Variants in PPP1R18 observed in about 807,000 individuals in gnomAD.
PPP1R18 encodes the protein phostensin.
PPP1R18 carries 31 observed loss-of-function variants against 54.8 expected under a neutral mutation model. The observed-to-expected ratio is 0.57, with a 90% confidence interval of 0.43 to 0.76. The LOEUF is 0.76. Among genes scored for constraint, PPP1R18 ranks in the 30% least tolerant of loss-of-function variants. The pLI is 0.00. For missense variants in PPP1R18, 685 were observed against 776.1 expected (o/e 0.88, Z 1.39); for synonymous variants, 310 against 320.2 (o/e 0.97, Z 0.34).
rs762218826 is a variant in PPP1R18 at position 30,685,026 on chromosome 6, C to T, written c.993G>A (p.Gly331=). 11 of 1,613,076 alleles carry T rather than the reference C, an allele frequency of 6.8e-6. No homozygotes were observed. Among genetic ancestry groups the T allele is most frequent in the African/African-American group, 1.3e-5 (1 of 74,914 alleles). Residue 331 remains glycine (G), a synonymous_variant, in exon 1 of 3, where the codon GGG becomes GGA. Coordinates refer to ENST00000274853, the MANE Select transcript of PPP1R18 (RefSeq NM_133471.4). The surrounding 1 kb of genome is among the most constrained non-coding windows in gnomAD (Gnocchi z 5.0). ...TCCCGGAGTTCAGGGTCCATTTCCA[C>T]CCTTCTGTTGGCTTCATGCCCCTCT... ...DGERGMKPTE[G]WKWTLNSGKA... is the part of the protein sequence containing the mutation.
chr6:30,681,426 T>C (rs1770545413), intron 1 of PPP1R18, among the ~76,000 whole-genome samples: 1 of 152,046 alleles, frequency 6.6e-6, no homozygotes, highest in African/African-American at 2.4e-5. Flanking sequence ...ACCTTCTAAC[T>C]TACTAGATAA....
chr6:30,681,569 G>C (rs1376512587), intron 1 of PPP1R18, among the ~76,000 whole-genome samples: 1 of 152,020 alleles, frequency 6.6e-6, no homozygotes, highest in African/African-American at 2.4e-5. Flanking sequence ...TTCGAGACCA[G>C]CCTGGCTAAC....
At chr6:30,679,510 C>T in intron 1 of PPP1R18, 121 bp from the exon 2 acceptor site, 1 of 303,818 alleles carries the variant, frequency 3.3e-6, no homozygotes. Context: ...GTGGGACTGG[C>T]GGAACGTGGG....
At chr6:30,682,257 C>T (rs554482690) in intron 1 of PPP1R18, among the ~76,000 whole-genome samples, 2 of 152,082 alleles carry the variant, frequency 1.3e-5, no homozygotes, top group South Asian at 4.1e-4. Flanking sequence ...GTGACTCACT[C>T]GCTCCTCTCC....
At position 30,684,779 on chromosome 6, in the gene PPP1R18, T is replaced by TCAG; in HGVS notation, c.1237_1239dup (p.Leu413dup). The stretch of plus-strand genomic sequence containing the variant: ...TCCACTGCTTCCTCTTCCTGCTGTC[T>TCAG]CAGGCCTCCAGTCCCAGCGTCCTCT... On this transcript the variant is annotated inframe_insertion, in exon 1 of 3. Coordinates refer to ENST00000274853, the MANE Select transcript of PPP1R18 (RefSeq NM_133471.4). The surrounding 1 kb of genome is among the most constrained non-coding windows in gnomAD (Gnocchi z 6.0). The TCAG allele has an allele frequency of 6.2e-7, 1 of 1,601,928 alleles. No homozygotes were observed. Among genetic ancestry groups the TCAG allele is most frequent in the Non-Finnish European group, 8.5e-7 (1 of 1,173,656 alleles).
chr6:30,677,136 A>G lies in PPP1R18; in HGVS notation c.*133T>C. 1 of 870,610 alleles carries G rather than the reference A, an allele frequency of 1.1e-6. No individual in the cohort carries two copies. Among genetic ancestry groups the G allele is most frequent in the South Asian group, 1.3e-5 (1 of 74,504 alleles). 53.9% of individuals were successfully genotyped at this position (870,610 alleles called of 1,614,324 possible). ...CTCTGCCCCCAGAAACAGGGTGGGG[A>G]AAGCAAGTTACAAGATGTTGGTTGC... On this transcript the variant is annotated 3_prime_UTR_variant, in exon 3 of 3. Coordinates refer to ENST00000274853, the MANE Select transcript of PPP1R18 (RefSeq NM_133471.4).
Position 30,684,505 on chromosome 6 carries a change from C to T in PPP1R18, c.1514G>A (p.Arg505Gln), listed in dbSNP as rs769165522. 1.4e-5 allele frequency: 22 copies of T among 1,612,420 alleles called. No individual in the cohort carries two copies. Among genetic ancestry groups the T allele is most frequent in the South Asian group, 2.2e-5 (2 of 91,030 alleles). ...CAAGATCTCCTCGGCAGTTGGGTAC[C>T]GCTTCTTCCCAGCCCCCGGGACTGC... ...DAAVPGAGKK[R>Q]YPTAEEILVL... The change falls in exon 1 of 3, where the codon CGG (arginine) becomes CAG (glutamine). Residue 505 changes from arginine to glutamine, a missense_variant. Coordinates refer to ENST00000274853, the MANE Select transcript of PPP1R18 (RefSeq NM_133471.4). This position sits in a 1 kb window ranked among gnomAD's most constrained non-coding sequence, Gnocchi z 6.0.
chr6:30,679,226 A>T lies in PPP1R18; in HGVS notation c.1775T>A (p.Leu592Gln). The T allele has an allele frequency of 2.5e-6, 4 of 1,578,818 alleles. No individual in the cohort carries two copies. Among genetic ancestry groups the T allele is most frequent in the Non-Finnish European group, 2.6e-6 (3 of 1,163,908 alleles). ...DEEDEEELLL[L>Q]QPELQGGLRT... ...CAGCCCGCCCTGGAGCTCTGGCTGC[A>T]GCAGCAGCAGCTCTTCCTCATCCTC... Residue 592 changes from leucine to glutamine, a missense_variant, in exon 2 of 3, where the codon CTG (leucine) becomes CAG (glutamine). Leu to Gln is a moderately radical substitution (Grantham distance 113). Transcript: ENST00000274853.
chr6:30,683,338 A>G lies in PPP1R18; in HGVS notation c.1611+1070T>C, dbSNP rs367595584. Among the ~76,000 whole-genome samples the G allele has an allele frequency of 8.5e-5, 13 of 152,302 alleles. No individual in the cohort carries two copies. Among genetic ancestry groups the G allele is most frequent in the African/African-American group, 2.9e-4 (12 of 41,566 alleles). On this transcript the variant is annotated intron_variant, in intron 1 of 2. Transcript: ENST00000274853. The surrounding 1 kb of genome is among the most constrained non-coding windows in gnomAD (Gnocchi z 5.1). Reference sequence around the variant, plus strand: ...AAGCTGGAAACAGATGGATGTGCACAGGGAAGAAGTGAGGCCAGGGCCAGG... The same window carrying G: ...AAGCTGGAAACAGATGGATGTGCACGGGGAAGAAGTGAGGCCAGGGCCAGG...
Position 30,676,437 on chromosome 6 carries a change from A to G in PPP1R18, c.*832T>C, listed in dbSNP as rs1372933995. 6.6e-6 allele frequency: 1 copy of G among 152,182 alleles called. No homozygotes were observed. Among genetic ancestry groups the G allele is most frequent in the Non-Finnish European group, 1.5e-5 (1 of 68,032 alleles). 9.4% of individuals were successfully genotyped at this position (152,182 alleles called of 1,614,324 possible). A position where few individuals can be genotyped will look rare whatever the true frequency, so the allele number is the denominator to read the frequency against. ...TGGAAAGTTAAAAAACAAACAAAAC[A>G]AAACAGGCAATTGATAAAGGCGGCA... On this transcript the variant is annotated 3_prime_UTR_variant, in exon 3 of 3. Transcript: ENST00000274853.
intron 1 of PPP1R18, 117 bp from the exon 2 acceptor site, chr6:30,679,506 C>G: frequency 3.0e-6 from 1 of 335,918 alleles, no homozygotes; most frequent in Non-Finnish European, 5.1e-6. Flanking sequence ...GCAGGTGGGA[C>G]TGGCGGAACG....
Position 30,685,364 on chromosome 6 carries a change from C to A in PPP1R18, c.655G>T (p.Val219Leu). Residue 219 changes from valine (V) to leucine (L), a missense_variant, in exon 1 of 3, where the codon GTG becomes TTG. Transcript: ENST00000274853. The surrounding 1 kb of genome is among the most constrained non-coding windows in gnomAD (Gnocchi z 5.0). ...SREQSPRRKE[V>L]ESRLSPGESA... is the part of the protein sequence containing the mutation. ...TCCCCTGGGCTCAGTCTACTTTCCA[C>A]CTCTTTTCTCCTGGGGCTTTGCTCT... 1 of 1,613,060 alleles carries A rather than the reference C, an allele frequency of 6.2e-7. No homozygotes were observed. The highest frequency in any genetic ancestry group is 8.5e-7 in the Non-Finnish European group (1 of 1,180,034).
At chr6:30,680,986 G>A (rs1428764935) in intron 1 of PPP1R18, among the ~76,000 whole-genome samples, 6 of 151,620 alleles carry the variant, frequency 4.0e-5, no homozygotes, top group Admixed American at 1.3e-4. Flanking sequence ...TCGAGAGGAC[G>A]AGGCAGGAGA....
rs762778442 is a variant in PPP1R18, at chr6:30,685,720, T to C, written c.299A>G (p.Gln100Arg). The part of the protein sequence containing the change: ...FIRQERQQQQ[Q>R]QQQRSEELLA... ...CAGCTCTTCACTCCGTTGTTGTTGC[T>C]GCTGCTGCTGCTGCCGCTCCTGCCG... The change falls in exon 1 of 3, where the codon CAG becomes CGG. Residue 100 changes from glutamine to arginine, a missense_variant. Transcript: ENST00000274853. The surrounding 1 kb of genome is among the most constrained non-coding windows in gnomAD (Gnocchi z 5.0). The C allele has an allele frequency of 6.8e-6, 11 of 1,612,360 alleles. No individual in the cohort carries two copies. Among genetic ancestry groups the C allele is most frequent in the African/African-American group, 1.3e-5 (1 of 74,936 alleles).
chr6:30,687,283 G>T (rs1280497233), upstream of PPP1R18: 3 of 153,670 alleles, frequency 2.0e-5, no homozygotes, highest in Non-Finnish European at 2.9e-5. The surrounding 1 kb of genome is among the most constrained non-coding windows in gnomAD (Gnocchi z 7.9). Context: ...AGAGACCAGG[G>T]GGCCGGGCGG....
rs1416488117 is a variant in PPP1R18, at chr6:30,684,078, T to G, written c.1611+330A>C. Among the ~76,000 whole-genome samples, 1 of 151,778 alleles carries G rather than the reference T, an allele frequency of 6.6e-6. No individual in the cohort carries two copies. Among genetic ancestry groups the G allele is most frequent in the Non-Finnish European group, 1.5e-5 (1 of 67,960 alleles). On this transcript the variant is annotated intron_variant, in intron 1 of 2. Transcript: ENST00000274853. The surrounding 1 kb of genome is among the most constrained non-coding windows in gnomAD (Gnocchi z 6.0). The stretch of plus-strand genomic sequence containing the variant: ...CTTTAGGCTCTCCCACTGGATGGGC[T>G]GGGGCAGGTCACACTCAGGAAAGGA...
At chr6:30,680,204 A>G (rs1193086526) in intron 1 of PPP1R18, among the ~76,000 whole-genome samples, 1 of 152,176 alleles carries the variant, frequency 6.6e-6, no homozygotes, top group African/African-American at 2.4e-5. Flanking sequence ...CAGACAGGGC[A>G]CAGAAAACCC....
At chr6:30,678,276 A>G (rs556700250) in intron 2 of PPP1R18, among the ~76,000 whole-genome samples, 1 of 151,378 alleles carries the variant, frequency 6.6e-6, no homozygotes, top group African/African-American at 2.4e-5. Flanking sequence ...GTGGTGCAAT[A>G]TTGGTTCACT....
Position 30,685,542 on chromosome 6 carries a change from G to A in PPP1R18, c.477C>T (p.Ala159=). The change falls in exon 1 of 3, where the codon GCC becomes GCT. Residue 159 remains alanine, a synonymous_variant. Transcript: ENST00000274853. This position sits in a 1 kb window ranked among gnomAD's most constrained non-coding sequence, Gnocchi z 5.0. The part of the protein sequence containing the change: ...TRERRLGIGG[A]QELSLRPLEA... Reference sequence around the variant, plus strand: ...CCAGAGGCCTCAGGCTCAACTCTTGGGCTCCCCCTATCCCCAGCCTCCTCT... The same window carrying A: ...CCAGAGGCCTCAGGCTCAACTCTTGAGCTCCCCCTATCCCCAGCCTCCTCT... 1 of 1,612,636 alleles carries A rather than the reference G, an allele frequency of 6.2e-7. No individual in the cohort carries two copies. The highest frequency in any genetic ancestry group is 8.5e-7 in the Non-Finnish European group (1 of 1,179,926).
Sources: gnomAD v4.1 joint callset for allele counts (sites outside exome capture counted in the v4.1 genomes callset) on GRCh38, gnomAD v4.1.1 for gene constraint, Gnocchi (gnomAD v3.1) non-coding constraint, MANE v1.5 for transcripts, NCBI Gene and HGNC (gene_info 2026-07-23, HGNC 2026-07-21) for gene names.